The following PABPC4L variants were observed in gnomAD, a reference collection of about 807,000 sequenced individuals.
PABPC4L encodes the protein poly(A) binding protein cytoplasmic 4 like, also known as polyadenylate-binding protein 4-like.
For missense variants in PABPC4L, 452 were observed against 451.4 expected, an observed-to-expected ratio of 1.00 and a Z score of -0.01; for synonymous variants, 169 against 164.1, an observed-to-expected ratio of 1.03 and a Z score of -0.23.
chr4:134,166,589 A>G, the PABPC4L span, among the ~76,000 whole-genome samples: 1 of 152,132 alleles, frequency 6.6e-6, no homozygotes, highest in Non-Finnish European at 1.5e-5. Context: ...TGAGGGTTAC[A>G]GGGTCTACTT....
At chr4:133,960,140 C>A in the PABPC4L span, among the ~76,000 whole-genome samples, 1 of 152,066 alleles carries the variant, frequency 6.6e-6, no homozygotes, top group African/African-American at 2.4e-5. Context: ...AATTTTAACT[C>A]CAGAATGACT....
chr4:134,183,320 G>A, the PABPC4L span, among the ~76,000 whole-genome samples: 1 of 151,866 alleles, frequency 6.6e-6, no homozygotes, highest in African/African-American at 2.4e-5. Flanking sequence ...CATAGATGGA[G>A]CTGGAGGCCA....
At chr4:133,973,013 T>C in the PABPC4L span, among the ~76,000 whole-genome samples, 1 of 152,102 alleles carries the variant, frequency 6.6e-6, no homozygotes, top group Admixed American at 6.6e-5. Flanking sequence ...GGTCTGGATG[T>C]CCTGACAAGC....
the PABPC4L span, among the ~76,000 whole-genome samples, chr4:133,973,210 A>T: frequency 6.6e-6 from 1 of 152,104 alleles, no homozygotes; most frequent in Non-Finnish European, 1.5e-5. Flanking sequence ...TGGAGCAGGG[A>T]TTCAGACCCA....
chr4:134,016,464 G>A, the PABPC4L span, among the ~76,000 whole-genome samples: 9 of 152,116 alleles, frequency 5.9e-5, no homozygotes, highest in East Asian at 1.9e-4. Flanking sequence ...AGATGCCATC[G>A]CTCAGGACAA....
chr4:133,969,217 G>A, the PABPC4L span, among the ~76,000 whole-genome samples: 1 of 152,132 alleles, frequency 6.6e-6, no homozygotes, highest in African/African-American at 2.4e-5. Flanking sequence ...ACTAATTCCA[G>A]GGAAATGGCA....
the PABPC4L span, among the ~76,000 whole-genome samples, chr4:134,117,306 G>A: frequency 6.6e-6 from 1 of 151,824 alleles, no homozygotes; most frequent in South Asian, 2.1e-4. Context: ...TTACTTTCTG[G>A]AACATTCACT....
the PABPC4L span, among the ~76,000 whole-genome samples, chr4:134,052,184 T>C: frequency 1.2e-4 from 19 of 152,150 alleles, no homozygotes; most frequent in Admixed American, 9.2e-4. Flanking sequence ...CCTCCCTAGG[T>C]TAATTTCAAA....
chr4:134,113,754 C>T, the PABPC4L span, among the ~76,000 whole-genome samples: 78 of 151,758 alleles, frequency 5.1e-4, 1 homozygote, highest in South Asian at 0.012. Flanking sequence ...TGTGGTTGAA[C>T]GTAAGTAGCA....
the PABPC4L span, among the ~76,000 whole-genome samples, chr4:133,991,515 G>A: frequency 6.6e-6 from 1 of 152,130 alleles, no homozygotes; most frequent in African/African-American, 2.4e-5. Flanking sequence ...AGAATCTTTT[G>A]ATCTGTATCC....
At chr4:134,086,554 A>G in the PABPC4L span, among the ~76,000 whole-genome samples, 1 of 151,950 alleles carries the variant, frequency 6.6e-6, no homozygotes, top group Non-Finnish European at 1.5e-5. Flanking sequence ...CTTTTTCAAA[A>G]GAAATCTCAT....
the PABPC4L span, among the ~76,000 whole-genome samples, chr4:133,963,893 T>C: frequency 6.6e-6 from 1 of 151,966 alleles, no homozygotes; most frequent in East Asian, 1.9e-4. Flanking sequence ...CAAACTGACA[T>C]TCTAAGGTCA....
chr4:134,089,418 C>T, the PABPC4L span, among the ~76,000 whole-genome samples: 2 of 152,092 alleles, frequency 1.3e-5, no homozygotes, highest in African/African-American at 4.8e-5. Flanking sequence ...CCAAAGTCCA[C>T]AGTTTACATT....
At chr4:134,107,782 C>T in the PABPC4L span, among the ~76,000 whole-genome samples, 1 of 151,480 alleles carries the variant, frequency 6.6e-6, no homozygotes, top group East Asian at 1.9e-4. Context: ...CTTCTCAATT[C>T]CGTGTGTTCA....
the PABPC4L span, among the ~76,000 whole-genome samples, chr4:134,186,009 A>G: frequency 1.3e-5 from 2 of 152,188 alleles, no homozygotes; most frequent in African/African-American, 4.8e-5. Flanking sequence ...AAGGAGAAAT[A>G]CAAACCACTG....
At chr4:134,123,742 A>AT in the PABPC4L span, among the ~76,000 whole-genome samples, 1 of 152,014 alleles carries the variant, frequency 6.6e-6, no homozygotes, top group South Asian at 2.1e-4. Flanking sequence ...GATAATTTTA[A>AT]TTTTTAAAAA....
the PABPC4L span, among the ~76,000 whole-genome samples, chr4:134,181,649 A>G: frequency 6.6e-6 from 1 of 152,206 alleles, no homozygotes; most frequent in African/African-American, 2.4e-5. Flanking sequence ...AAGCTCCTAG[A>G]TATGATAAAC....
chr4:134,174,123 C>G, the PABPC4L span, among the ~76,000 whole-genome samples: 1 of 151,782 alleles, frequency 6.6e-6, no homozygotes, highest in Non-Finnish European at 1.5e-5. Context: ...CATCAACACA[C>G]ATTTTCCTAG....
the PABPC4L span, among the ~76,000 whole-genome samples, chr4:134,031,871 A>T: frequency 6.6e-6 from 1 of 151,960 alleles, no homozygotes; most frequent in South Asian, 2.1e-4. Context: ...TTAGAATTGC[A>T]GACAGAATGA....
Sources: allele counts gnomAD v4.1 joint callset (sites outside exome capture counted in the v4.1 genomes callset), GRCh38; gene constraint gnomAD v4.1.1; transcripts MANE v1.5; gene names NCBI Gene and HGNC (gene_info 2026-07-23, HGNC 2026-07-21).